MPZL3: variants seen among roughly 807,000 people sequenced by gnomAD.
The protein encoded by MPZL3 is myelin protein zero-like protein 3.
Under a neutral mutation model 24.8 loss-of-function variants are expected in MPZL3, and 23 were observed. The observed-to-expected ratio is 0.93, with a 90% CI of 0.67 to 1.31. MPZL3 has a LOEUF of 1.31. Ranked by LOEUF, MPZL3 falls within the 40% of genes most tolerant of loss-of-function variation. The probability of loss-of-function intolerance (pLI) is 0.00; values close to 1 mark genes in which losing one functional copy is unlikely to be tolerated. For synonymous variants in MPZL3, 99 were observed against 106.5 expected (o/e 0.93, Z 0.44); for missense variants, 277 against 294.9 (o/e 0.94, Z 0.44).
intron 3 of MPZL3, among the ~76,000 whole-genome samples, chr11:118,236,615 A>T (rs1393524479): frequency 6.6e-6 from 1 of 152,166 alleles, no homozygotes; most frequent in Non-Finnish European, 1.5e-5. Context: ...TTGCAGCATA[A>T]AAGAAAAGCA....
intron 1 of MPZL3, among the ~76,000 whole-genome samples, chr11:118,245,757 G>T (rs1251015369): frequency 6.6e-6 from 1 of 152,138 alleles, no homozygotes; most frequent in Non-Finnish European, 1.5e-5. Flanking sequence ...GACCAGATTG[G>T]CCTAAATCAA....
In MPZL3 at chr11:118,237,113, C is replaced by CAGCACA. The variant is rs749472678; in HGVS notation, c.382_387dup (p.Cys128_Ala129dup). ...TGATGCACATCTGGGGGATTCTTCA[C>CAGCACA]AGCACAGCTGAATGTCCCATTGTCC... On this transcript the variant is annotated inframe_insertion, in exon 3 of 6. Transcript: ENST00000278949. 1 of 1,614,098 alleles carries CAGCACA rather than the reference C, an allele frequency of 6.2e-7. No homozygotes were observed. The highest frequency in any genetic ancestry group is 8.5e-7 in the Non-Finnish European group (1 of 1,179,976).
intron 1 of MPZL3, among the ~76,000 whole-genome samples, chr11:118,243,148 G>A (rs1042384462): frequency 7.2e-5 from 11 of 152,132 alleles, no homozygotes; most frequent in Non-Finnish European, 1.3e-4. Flanking sequence ...TAAGAAATGC[G>A]TGAATATCTC....
intron 4 of MPZL3, among the ~76,000 whole-genome samples, chr11:118,233,789 T>C (rs1949384739): frequency 6.6e-6 from 1 of 151,944 alleles, no homozygotes; most frequent in African/African-American, 2.4e-5. Context: ...AAGTCAGGAG[T>C]TTGAGACCAG....
At chr11:118,241,164 T>C (rs1807045868) in intron 1 of MPZL3, among the ~76,000 whole-genome samples, 1 of 152,100 alleles carries the variant, frequency 6.6e-6, no homozygotes, top group Non-Finnish European at 1.5e-5. Context: ...TTCTAACCAG[T>C]TCCTTCTGCT....
chr11:118,249,116 C>T (rs1358727556), intron 1 of MPZL3, among the ~76,000 whole-genome samples: 1 of 152,108 alleles, frequency 6.6e-6, no homozygotes, highest in Non-Finnish European at 1.5e-5. Flanking sequence ...GATCTTGGCT[C>T]ACTGCATCCA....
chr11:118,247,162 C>G (rs1949564054), intron 1 of MPZL3, among the ~76,000 whole-genome samples: 1 of 152,174 alleles, frequency 6.6e-6, no homozygotes, highest in African/African-American at 2.4e-5. Flanking sequence ...CCAAATATAA[C>G]TGGAAACCAG....
At chr11:118,238,761 T>C (rs1269353524) in intron 2 of MPZL3, among the ~76,000 whole-genome samples, 1 of 152,172 alleles carries the variant, frequency 6.6e-6, no homozygotes, top group Non-Finnish European at 1.5e-5. Context: ...CACGCAGGCA[T>C]AGTCCCTACT....
intron 3 of MPZL3, 146 bp downstream of exon 3, chr11:118,236,904 G>A (rs1450241584): frequency 6.4e-6 from 4 of 622,964 alleles, no homozygotes; most frequent in Admixed American, 3.1e-5. Context: ...TACATATTGG[G>A]ATGGCAGAAA....
rs1459875625 is a variant in MPZL3, at chr11:118,229,394, C to T, written c.*500G>A. On this transcript the variant is annotated 3_prime_UTR_variant, in exon 6 of 6. Transcript: ENST00000278949. ...AGGTCATTAAACCGGTAAGTATACG[C>T]CCTATACTAACTCACAGCTGAAAGT... 1 of 158,600 alleles carries T rather than the reference C, an allele frequency of 6.3e-6. No homozygotes were observed. Among genetic ancestry groups the T allele is most frequent in the African/African-American group, 2.4e-5 (1 of 41,424 alleles). 9.8% of individuals were successfully genotyped at this position (158,600 alleles called of 1,614,324 possible). A position where few individuals can be genotyped will look rare whatever the true frequency, so the allele number is the denominator to read the frequency against.
In MPZL3 at chr11:118,228,849, C is replaced by T. The variant is rs1000902452; in HGVS notation, c.*1045G>A. 1 of 152,116 alleles carries T rather than the reference C, an allele frequency of 6.6e-6. No individual in the cohort carries two copies. The highest frequency in any genetic ancestry group is 2.4e-5 in the African/African-American group (1 of 41,420). 9.4% of individuals were successfully genotyped at this position (152,116 alleles called of 1,614,324 possible). A position where few individuals can be genotyped will look rare whatever the true frequency, so the allele number is the denominator to read the frequency against. On this transcript the variant is annotated 3_prime_UTR_variant, in exon 6 of 6. Transcript: ENST00000278949. Reference sequence around the variant, plus strand: ...AGTTATAAGAAAATAAAATAACAGGCCAAGCACAGTGGCTCATGCCTGTAA... The same window carrying T: ...AGTTATAAGAAAATAAAATAACAGGTCAAGCACAGTGGCTCATGCCTGTAA...
intron 2 of MPZL3, among the ~76,000 whole-genome samples, chr11:118,238,204 C>T (rs761104402): frequency 6.6e-5 from 10 of 152,094 alleles, no homozygotes; most frequent in Non-Finnish European, 8.8e-5. Context: ...AGTTGCTCTA[C>T]GGTATACAAC....
Position 118,240,369 on chromosome 11 carries a change from T to C in MPZL3, c.82A>G (p.Ile28Val), listed in dbSNP as rs376257836. The part of the protein sequence containing the change: ...LGVLFFQGVY[I>V]VFSLEIRADA... ...GCACGAATCTCCAAGGAAAAGACGA[T>C]ATAAACACCTAATCAAAGCAAACCC... Residue 28 changes from isoleucine to valine, a missense_variant, in exon 2 of 6, where the codon ATC becomes GTC. Coordinates refer to ENST00000278949, the MANE Select transcript of MPZL3 (RefSeq NM_198275.3). The C allele has an allele frequency of 2.2e-5, 35 of 1,604,574 alleles. No individual in the cohort carries two copies. Among genetic ancestry groups the C allele is most frequent in the Non-Finnish European group, 2.9e-5 (34 of 1,176,724 alleles).
At chr11:118,230,578 G>A (rs1163945058) in intron 5 of MPZL3, among the ~76,000 whole-genome samples, 1 of 151,982 alleles carries the variant, frequency 6.6e-6, no homozygotes, top group Non-Finnish European at 1.5e-5. Flanking sequence ...AGCACTAACT[G>A]GCATACCACA....
At chr11:118,239,187 G>A (rs1432854478) in intron 2 of MPZL3, among the ~76,000 whole-genome samples, 1 of 152,128 alleles carries the variant, frequency 6.6e-6, no homozygotes, top group African/African-American at 2.4e-5. Flanking sequence ...TACCAAGGAG[G>A]CAGAGCCAAA....
chr11:118,229,830 G>A lies in MPZL3; in HGVS notation c.*64C>T, dbSNP rs1222896708. On this transcript the variant is annotated 3_prime_UTR_variant, in exon 6 of 6. Coordinates refer to ENST00000278949, the MANE Select transcript of MPZL3 (RefSeq NM_198275.3). Reference sequence around the variant, plus strand: ...GCTCCACTTTCTCTGACAGGCTTTAGCTGCCAGTGGAATGGGATGTTTCCT... The same window carrying A: ...GCTCCACTTTCTCTGACAGGCTTTAACTGCCAGTGGAATGGGATGTTTCCT... 3 of 1,549,434 alleles carry A rather than the reference G, an allele frequency of 1.9e-6. No individual in the cohort carries two copies. The highest frequency in any genetic ancestry group is 2.7e-6 in the Non-Finnish European group (3 of 1,122,950).
chr11:118,248,849 T>C (rs1179281324), intron 1 of MPZL3, among the ~76,000 whole-genome samples: 1 of 152,116 alleles, frequency 6.6e-6, no homozygotes, highest in African/African-American at 2.4e-5. Context: ...AACTTTATTC[T>C]TTTTTTCCCC....
At chr11:118,248,070 C>CTTT (rs60335848) in intron 1 of MPZL3, among the ~76,000 whole-genome samples, 3,637 of 98,758 alleles carry the variant, frequency 0.037, 14 homozygotes, top group Non-Finnish European at 0.049. Flanking sequence ...ACAGTTTCCT[C>CTTT]TTTTTTTTTT....
chr11:118,233,648 G>T, intron 4 of MPZL3, 125 bp from the exon 5 acceptor site: 1 of 918,662 alleles, frequency 1.1e-6, no homozygotes, highest in Non-Finnish European at 1.7e-6. Context: ...CTCACTAGCT[G>T]GGTGACTGGG....
Sources: allele counts gnomAD v4.1 joint callset (sites outside exome capture counted in the v4.1 genomes callset), GRCh38; gene constraint gnomAD v4.1.1; transcripts MANE v1.5; gene names NCBI Gene and HGNC (gene_info 2026-07-23, HGNC 2026-07-21).